The following TUBA1C variants were observed in gnomAD, a reference collection of about 807,000 sequenced individuals.
The protein encoded by TUBA1C is tubulin alpha 1c.
Under a neutral mutation model 34.9 loss-of-function variants are expected in TUBA1C, and 16 were observed. The observed-to-expected ratio is 0.46, with a 90% confidence interval of 0.31 to 0.70. TUBA1C has a LOEUF of 0.70. Among genes scored for constraint, TUBA1C ranks in the 30% least tolerant of loss-of-function variants. TUBA1C has a pLI of 0.05. For synonymous variants in TUBA1C, 177 were observed against 215.9 expected (o/e 0.82, Z 1.58); for missense variants, 329 against 587.3 (o/e 0.56, Z 4.55).
intron 1 of TUBA1C, among the ~76,000 whole-genome samples, chr12:49,266,310 G>A (rs191863082): frequency 0.017 from 2,551 of 147,562 alleles, 82 homozygotes; most frequent in African/African-American, 0.059. Flanking sequence ...GGCGCTTGTA[G>A]TCTCAGCTAC....
intron 1 of TUBA1C, chr12:49,233,123 G>A (rs879278160): frequency 3.3e-5 from 5 of 152,240 alleles, no homozygotes; most frequent in African/African-American, 1.2e-4. Flanking sequence ...TCTCTCCAGG[G>A]ACTGCCGCCG....
intron 1 of TUBA1C, among the ~76,000 whole-genome samples, chr12:49,259,263 C>T (rs985798660): frequency 6.6e-6 from 1 of 151,156 alleles, no homozygotes; most frequent in African/African-American, 2.4e-5. Context: ...GACGGAGTCT[C>T]ACTGTGTCGC....
At chr12:49,271,060 A>C (rs1192823806) in intron 3 of TUBA1C, among the ~76,000 whole-genome samples, 2 of 152,248 alleles carry the variant, frequency 1.3e-5, no homozygotes, top group African/African-American at 4.8e-5. Context: ...CTTTAGGACA[A>C]ATAAACCTAG....
At chr12:49,260,742 C>A (rs1435970660), upstream of TUBA1C, among the ~76,000 whole-genome samples, 1 of 152,098 alleles carries the variant, frequency 6.6e-6, no homozygotes, top group African/African-American at 2.4e-5. Context: ...AATTTTATTT[C>A]TTTTGGGTGG....
At chr12:49,251,253 C>T (rs1463237203) in intron 1 of TUBA1C, among the ~76,000 whole-genome samples, 2 of 152,156 alleles carry the variant, frequency 1.3e-5, no homozygotes, top group African/African-American at 4.8e-5. Context: ...AAGAGCCCAG[C>T]CCAGATGGCT....
chr12:49,265,314 T>C, intron 1 of TUBA1C, 130 bp downstream of exon 1: 1 of 592,452 alleles, frequency 1.7e-6, no homozygotes, highest in Non-Finnish European at 2.7e-6. Flanking sequence ...CCGGTTAACC[T>C]GGCTTGTGGC....
intron 1 of TUBA1C, among the ~76,000 whole-genome samples, chr12:49,265,966 A>C (rs910346370): frequency 3.5e-5 from 5 of 142,960 alleles, no homozygotes; most frequent in Admixed American, 6.9e-5. Context: ...TTAAAAAAAA[A>C]AAAAAACAAA....
chr12:49,266,659 G>A (rs964562145), intron 1 of TUBA1C, among the ~76,000 whole-genome samples: 1 of 152,042 alleles, frequency 6.6e-6, no homozygotes, highest in Non-Finnish European at 1.5e-5. Context: ...GACCAGCCTG[G>A]GCAACACGGT....
chr12:49,265,564 A>T (rs1942896495), intron 1 of TUBA1C, among the ~76,000 whole-genome samples: 1 of 152,160 alleles, frequency 6.6e-6, no homozygotes. Context: ...ACTGCCTTAC[A>T]AACTGGGCCC....
chr12:49,229,453 G>A (rs1473830082), intron 1 of TUBA1C, among the ~76,000 whole-genome samples: 1 of 152,034 alleles, frequency 6.6e-6, no homozygotes, highest in Non-Finnish European at 1.5e-5. Flanking sequence ...CATTACAGGC[G>A]TGAGCCACCA....
chr12:49,230,643 C>T (rs1942486858), intron 1 of TUBA1C, among the ~76,000 whole-genome samples: 1 of 152,192 alleles, frequency 6.6e-6, no homozygotes, highest in Non-Finnish European at 1.5e-5. Context: ...GACCCTTTTC[C>T]CTCTCCCTCT....
Position 49,274,486 on chromosome 12 carries a change from A to G in TUBA1C, c.*1259A>G, listed in dbSNP as rs1242815203. On this transcript the variant is annotated 3_prime_UTR_variant, in exon 4 of 4. Coordinates refer to ENST00000301072, the MANE Select transcript of TUBA1C (RefSeq NM_032704.5). ...ATGATGCTGTTGGTCTGATGTGACC[A>G]CATGTACAGTAGCAAAGGGTTAGAT... The G allele has an allele frequency of 6.6e-6, 1 of 151,744 alleles. No homozygotes were observed. Among genetic ancestry groups the G allele is most frequent in the African/African-American group, 2.4e-5 (1 of 41,266 alleles). The allele number at this position is 151,744 out of a possible 1,614,324, so 9.4% of individuals were successfully genotyped here. A position where few individuals can be genotyped will look rare whatever the true frequency, so the allele number is the denominator to read the frequency against.
At chr12:49,270,789 G>C (rs1172318271) in intron 3 of TUBA1C, among the ~76,000 whole-genome samples, 2 of 152,118 alleles carry the variant, frequency 1.3e-5, no homozygotes, top group Non-Finnish European at 2.9e-5. Flanking sequence ...GACCATCCTG[G>C]CTAACATGGT....
At chr12:49,235,781 G>A (rs1942549179) in intron 1 of TUBA1C, among the ~76,000 whole-genome samples, 1 of 150,108 alleles carries the variant, frequency 6.7e-6, no homozygotes, top group African/African-American at 2.5e-5. Context: ...AATAAAAAGA[G>A]ACCAGGCTGA....
At chr12:49,228,308 T>G (rs2136981347) in intron 1 of TUBA1C, 2 of 787,546 alleles carry the variant, frequency 2.5e-6, no homozygotes, top group Non-Finnish European at 3.9e-6. Flanking sequence ...TTAGTGTTTA[T>G]CTTATTATTT....
intron 1 of TUBA1C, among the ~76,000 whole-genome samples, chr12:49,246,552 A>G (rs1478464295): frequency 2.0e-5 from 3 of 151,844 alleles, no homozygotes; most frequent in African/African-American, 4.8e-5. Flanking sequence ...GCGGGCGCCT[A>G]TAGTCCCAGC....
intron 1 of TUBA1C, among the ~76,000 whole-genome samples, 166 bp from the exon 2 acceptor site, chr12:49,269,299 G>A (rs1189586744): frequency 2.0e-5 from 3 of 152,158 alleles, no homozygotes; most frequent in Admixed American, 2.0e-4. Context: ...CTGACCTCAG[G>A]TGATCCACCT....
At chr12:49,259,171 G>A (rs1942817966) in intron 1 of TUBA1C, among the ~76,000 whole-genome samples, 1 of 152,024 alleles carries the variant, frequency 6.6e-6, no homozygotes, top group Non-Finnish European at 1.5e-5. Flanking sequence ...CTATATAGGT[G>A]TGCCATCTTT....
chr12:49,254,047 T>C (rs1290181009), intron 1 of TUBA1C, among the ~76,000 whole-genome samples: 1 of 152,032 alleles, frequency 6.6e-6, no homozygotes, highest in Non-Finnish European at 1.5e-5. Flanking sequence ...TGCGGTGACT[T>C]ACGCCTGTAA....
Sources: allele counts gnomAD v4.1 joint callset (sites outside exome capture counted in the v4.1 genomes callset), GRCh38; gene constraint gnomAD v4.1.1; transcripts MANE v1.5; gene names NCBI Gene and HGNC (gene_info 2026-07-23, HGNC 2026-07-21).